The following SYT10 variants were observed in gnomAD, a reference collection of about 807,000 sequenced individuals.
SYT10 encodes the protein synaptotagmin 10.
Under a neutral mutation model 51.1 loss-of-function variants are expected in SYT10, and 31 were observed. The observed-to-expected ratio is 0.61, with a 90% CI of 0.46 to 0.82. SYT10 has a LOEUF of 0.82. Among genes scored for constraint, SYT10 ranks in the 40% least tolerant of loss-of-function variants. The probability of loss-of-function intolerance (pLI) is 0.00; values close to 1 mark genes in which losing one functional copy is unlikely to be tolerated. For synonymous variants in SYT10, 233 were observed against 225.9 expected (o/e 1.03, Z -0.28); for missense variants, 603 against 634.0 (o/e 0.95, Z 0.53).
chr12:33,398,638 T>C (rs1363003797), intron 3 of SYT10, among the ~76,000 whole-genome samples: 1 of 152,198 alleles, frequency 6.6e-6, no homozygotes, highest in East Asian at 1.9e-4. Flanking sequence ...CACTTAAAAT[T>C]ATCCCTTATG....
intron 3 of SYT10, among the ~76,000 whole-genome samples, chr12:33,389,857 C>T: frequency 6.6e-6 from 1 of 152,116 alleles, no homozygotes; most frequent in East Asian, 1.9e-4. Context: ...TAAGCTACAA[C>T]AAAATACAGA....
intron 4 of SYT10, among the ~76,000 whole-genome samples, chr12:33,383,733 T>G (rs1174252122): frequency 1.3e-5 from 2 of 152,116 alleles, no homozygotes; most frequent in Admixed American, 1.3e-4. Context: ...TCTCTGCTTG[T>G]GACAAGGATA....
intron 3 of SYT10, among the ~76,000 whole-genome samples, chr12:33,391,093 A>T (rs10844573): frequency 0.46 from 70,007 of 151,928 alleles, 17,738 homozygotes; most frequent in East Asian, 0.89. Flanking sequence ...CATGCCACCA[A>T]GCCTAGCAAA....
intron 1 of SYT10, among the ~76,000 whole-genome samples, chr12:33,437,561 G>C (rs2138444716): frequency 6.6e-6 from 1 of 152,314 alleles, no homozygotes; most frequent in Admixed American, 6.5e-5. Context: ...TGAGACCCGG[G>C]AAACCACTAT....
At chr12:33,412,714 T>C (rs1468679644) in intron 2 of SYT10, among the ~76,000 whole-genome samples, 6 of 152,006 alleles carry the variant, frequency 3.9e-5, no homozygotes, top group Non-Finnish European at 1.5e-5. Context: ...CAAAGGTAGA[T>C]AAAACCACAA....
At chr12:33,428,523 AGTGACCATTAACT>A (rs1392211363) in intron 1 of SYT10, among the ~76,000 whole-genome samples, 1 of 152,228 alleles carries the variant, frequency 6.6e-6, no homozygotes, top group African/African-American at 2.4e-5. Flanking sequence ...AGAGTTGAGA[AGTGACCATTAACT>A]TTAACAAGTA....
intron 1 of SYT10, among the ~76,000 whole-genome samples, chr12:33,438,595 A>G (rs960472719): frequency 6.6e-6 from 1 of 152,116 alleles, no homozygotes; most frequent in African/African-American, 2.4e-5. Flanking sequence ...TCCTGCATCC[A>G]GCCCATTTCC....
chr12:33,396,910 T>C (rs1486552398), intron 3 of SYT10, among the ~76,000 whole-genome samples: 1 of 152,162 alleles, frequency 6.6e-6, no homozygotes, highest in Non-Finnish European at 1.5e-5. Context: ...AGTGCTGGGA[T>C]TACAGGCGTG....
Position 33,400,085 on chromosome 12 carries a change from C to T in SYT10, c.1077+6704G>A, listed in dbSNP as rs552033696. Among the ~76,000 whole-genome samples, 3 of 152,322 alleles carry T rather than the reference C, an allele frequency of 2.0e-5. No individual in the cohort carries two copies. In the South Asian group the frequency reaches 6.2e-4, roughly 32 times the overall value. On this transcript the variant is annotated intron_variant, in intron 3 of 6. Coordinates refer to ENST00000228567, the MANE Select transcript of SYT10 (RefSeq NM_198992.4). Reference sequence around the variant, plus strand: ...CCTGACCAGAAAGGTTTGCTCCCTACTGCCCCACTTTCCATCATACTCTTT... The same window carrying T: ...CCTGACCAGAAAGGTTTGCTCCCTATTGCCCCACTTTCCATCATACTCTTT...
chr12:33,375,938 C>CA lies in SYT10; in HGVS notation c.*891dup, dbSNP rs1866058353. ...GGATCTATATGATAGCTTCAAGTCA[C>CA]AAAAAATACACGTCACAAAAAAATA... is the stretch of plus-strand genomic sequence containing the variant. On this transcript the variant is annotated 3_prime_UTR_variant, in exon 7 of 7. Transcript: ENST00000228567. The CA allele has an allele frequency of 2.0e-5, 3 of 152,530 alleles. No individual in the cohort carries two copies. In the South Asian group the frequency reaches 6.2e-4, roughly 32 times the overall value. 9.4% of individuals were successfully genotyped at this position (152,530 alleles called of 1,614,324 possible).
chr12:33,385,600 C>T (rs369450163), intron 3 of SYT10, among the ~76,000 whole-genome samples: 2 of 152,186 alleles, frequency 1.3e-5, no homozygotes, highest in Non-Finnish European at 2.9e-5. Flanking sequence ...AATCAACAAA[C>T]GGCATCATAA....
intron 1 of SYT10, among the ~76,000 whole-genome samples, chr12:33,431,860 A>G (rs139112647): frequency 5.3e-5 from 8 of 152,208 alleles, no homozygotes; most frequent in African/African-American, 1.7e-4. Flanking sequence ...AAACACTGCC[A>G]ACATCCCACA....
In SYT10 at chr12:33,376,552, C is replaced by G. The variant is rs10844566; in HGVS notation, c.*278G>C. 105,270 of 408,746 alleles carry G rather than the reference C, an allele frequency of 0.26. 16,295 individuals carry two copies. Among genetic ancestry groups the G allele is most frequent in the African/African-American group, 0.52 (25,935 of 50,340 alleles). 25.3% of individuals were successfully genotyped at this position (408,746 alleles called of 1,614,324 possible). On this transcript the variant is annotated 3_prime_UTR_variant, in exon 7 of 7. Coordinates refer to ENST00000228567, the MANE Select transcript of SYT10 (RefSeq NM_198992.4). ...ACTGTTTAAAAAAACATTTCATATG[C>G]AAAGAATTACAACATAGTAAAACAC...
chr12:33,434,558 C>T (rs1451026913), intron 1 of SYT10, among the ~76,000 whole-genome samples: 3 of 152,174 alleles, frequency 2.0e-5, no homozygotes, highest in Admixed American at 6.5e-5. Flanking sequence ...AATCTCAGCA[C>T]TTTGGGATGC....
chr12:33,420,236 T>C (rs1387356790), intron 2 of SYT10, among the ~76,000 whole-genome samples: 14 of 152,238 alleles, frequency 9.2e-5, no homozygotes, highest in African/African-American at 3.4e-4. Context: ...AATTGTGGTC[T>C]TTATTATGGC....
intron 3 of SYT10, among the ~76,000 whole-genome samples, chr12:33,392,801 G>C (rs1866220417): frequency 6.6e-6 from 1 of 151,572 alleles, no homozygotes; most frequent in Non-Finnish European, 1.5e-5. Context: ...CTGTGTTAGA[G>C]ACAGGATAAT....
rs1408949037 is a variant in SYT10, at chr12:33,375,535, A to C, written c.*1295T>G. 2.6e-5 allele frequency: 4 copies of C among 152,028 alleles called. No homozygotes were observed. The highest frequency in any genetic ancestry group is 9.7e-5 in the African/African-American group (4 of 41,420). The allele number at this position is 152,028 out of a possible 1,614,324, so 9.4% of individuals were successfully genotyped here. A position where few individuals can be genotyped will look rare whatever the true frequency, so the allele number is the denominator to read the frequency against. ...TAGATACCTTCCAACAGGGCCTGAA[A>C]ATGGGACAAAATATGTTGACCTGAC... On this transcript the variant is annotated 3_prime_UTR_variant, in exon 7 of 7. Coordinates refer to ENST00000228567, the MANE Select transcript of SYT10 (RefSeq NM_198992.4).
chr12:33,408,631 T>G (rs1027106890), intron 2 of SYT10, among the ~76,000 whole-genome samples: 1 of 152,210 alleles, frequency 6.6e-6, no homozygotes, highest in African/African-American at 2.4e-5. Context: ...TGGACTATAA[T>G]TATTGTCTTG....
chr12:33,421,436 C>T (rs144836694), intron 2 of SYT10, among the ~76,000 whole-genome samples: 116 of 152,260 alleles, frequency 7.6e-4, no homozygotes, highest in African/African-American at 2.5e-3. Context: ...CTCGTCTTTA[C>T]GCCATTAATA....
Sources: allele counts gnomAD v4.1 joint callset (sites outside exome capture counted in the v4.1 genomes callset), GRCh38; gene constraint gnomAD v4.1.1; transcripts MANE v1.5; gene names NCBI Gene and HGNC (gene_info 2026-07-23, HGNC 2026-07-21).